Variants in ANO6 observed in about 807,000 individuals in gnomAD.
ANO6 encodes the protein anoctamin 6.
Under a neutral mutation model 117.5 loss-of-function variants are expected in ANO6, and 106 were observed. That is an observed-to-expected ratio of 0.90 (90% CI 0.77 to 1.06). ANO6 has a LOEUF of 1.06. Ranked by LOEUF, ANO6 falls within the 50% of genes least tolerant of loss-of-function variation. ANO6 has a pLI of 0.00. For synonymous variants in ANO6, 367 were observed against 385.1 expected (o/e 0.95, Z 0.55); for missense variants, 955 against 1,121.1 (o/e 0.85, Z 2.12).
chr12:45,359,071 A>T (rs11182998), intron 8 of ANO6, among the ~76,000 whole-genome samples: 8,500 of 152,300 alleles, frequency 0.056, 480 homozygotes, highest in East Asian at 0.32. Flanking sequence ...GGCGTGAGCC[A>T]CTGTGCCCGG....
chr12:45,427,901 T>A (rs1337429982), intron 19 of ANO6, among the ~76,000 whole-genome samples: 1 of 135,618 alleles, frequency 7.4e-6, no homozygotes, highest in African/African-American at 2.8e-5. Context: ...ATCGCACCAC[T>A]GCATTCAAGC....
At chr12:45,369,639 A>T (rs74080848) in intron 9 of ANO6, among the ~76,000 whole-genome samples, 2,743 of 152,272 alleles carry the variant, frequency 0.018, 79 homozygotes, top group African/African-American at 0.062. Context: ...AAAAAGTTTG[A>T]AAAAGAAAAA....
intron 1 of ANO6, among the ~76,000 whole-genome samples, chr12:45,220,287 T>C (rs771358048): frequency 6.6e-6 from 1 of 151,218 alleles, no homozygotes; most frequent in Non-Finnish European, 1.5e-5. Flanking sequence ...GTTTACTGTC[T>C]GATCCCCATC....
At chr12:45,320,275 T>C (rs986530393) in intron 2 of ANO6, among the ~76,000 whole-genome samples, 4 of 152,234 alleles carry the variant, frequency 2.6e-5, no homozygotes, top group African/African-American at 9.6e-5. Context: ...AATTTCCCTC[T>C]ATGCACTGCT....
At chr12:45,360,533 T>G (rs144959100) in intron 8 of ANO6, among the ~76,000 whole-genome samples, 2 of 152,358 alleles carry the variant, frequency 1.3e-5, no homozygotes, top group Non-Finnish European at 2.9e-5. Flanking sequence ...GCAGATACAT[T>G]GAAAATATTT....
chr12:45,282,654 CAGT>C (rs1459024477), intron 1 of ANO6, among the ~76,000 whole-genome samples: 1 of 152,130 alleles, frequency 6.6e-6, no homozygotes, highest in Non-Finnish European at 1.5e-5. Context: ...TTGACCTTAT[CAGT>C]AGTAGTAAGG....
intron 1 of ANO6, among the ~76,000 whole-genome samples, chr12:45,242,397 C>T (rs896253618): frequency 4.6e-5 from 7 of 152,244 alleles, no homozygotes; most frequent in Non-Finnish European, 7.3e-5. Flanking sequence ...GGGAGAGAAT[C>T]GCCTGGTCTG....
At chr12:45,255,818 G>GATTTTTTTT (rs749001458) in intron 1 of ANO6, among the ~76,000 whole-genome samples, 1 of 81,712 alleles carries the variant, frequency 1.2e-5, no homozygotes, top group African/African-American at 4.5e-5. Context: ...CTCCCTGGGT[G>GATTTTTTTT]TTTTTTTTTT....
Position 45,403,240 on chromosome 12 carries a change from A to G in ANO6, c.1781A>G (p.Glu594Gly), listed in dbSNP as rs747299266. Residue 594 changes from glutamate to glycine, a missense_variant and splice_region_variant, in exon 14 of 20, where the codon GAG becomes GGG. Physicochemically the swap from Glu to Gly is moderately conservative, Grantham distance 98. Coordinates refer to ENST00000320560, the MANE Select transcript of ANO6 (RefSeq NM_001025356.3). The stretch of plus-strand genomic sequence containing the variant: ...TGGTTGGGAAAATACAGAAATGAAG[A>G]GGTATGAATATATAATTGTATTATC... ...VYWLGKYRNE[E>G]CDPGGCLLEL... is the part of the protein sequence containing the mutation. 1 of 1,613,550 alleles carries G rather than the reference A, an allele frequency of 6.2e-7. No homozygotes were observed. Among genetic ancestry groups the G allele is most frequent in the South Asian group, 1.1e-5 (1 of 90,996 alleles).
chr12:45,313,392 C>T (rs1272517825), intron 2 of ANO6: 1 of 152,020 alleles, frequency 6.6e-6, no homozygotes, highest in Admixed American at 6.6e-5. Context: ...GAGTGTTGTT[C>T]AGTGACTGCA....
chr12:45,350,433 G>A (rs566564673), intron 6 of ANO6, among the ~76,000 whole-genome samples: 10 of 152,264 alleles, frequency 6.6e-5, no homozygotes, highest in African/African-American at 2.4e-4. Flanking sequence ...CCCCAGGATT[G>A]TAACACCCAA....
chr12:45,280,380 A>C lies in ANO6; in HGVS notation c.71-21634A>C, dbSNP rs148047171. Among the ~76,000 whole-genome samples the C allele has an allele frequency of 1.2e-3, 189 of 152,242 alleles. 1 individual carries two copies. The highest frequency in any genetic ancestry group is 4.4e-3 in the African/African-American group (183 of 41,530). On this transcript the variant is annotated intron_variant, in intron 1 of 19. Transcript: ENST00000320560. ...AGAAAATGTGGTTGTGAGATCAGTGACCCTGTGGCCTACAGACCAAAGGGC... is the reference window on the plus strand; with the variant it reads ...AGAAAATGTGGTTGTGAGATCAGTGCCCCTGTGGCCTACAGACCAAAGGGC...
chr12:45,308,575 T>C (rs546821776), intron 2 of ANO6, among the ~76,000 whole-genome samples: 2 of 152,008 alleles, frequency 1.3e-5, no homozygotes, highest in African/African-American at 4.8e-5. Context: ...TCAATGGTAG[T>C]GGTCATGGTC....
rs186253481 is a variant in ANO6, at chr12:45,283,505, G to A, written c.71-18509G>A. Among the ~76,000 whole-genome samples the A allele has an allele frequency of 2.9e-3, 445 of 152,288 alleles. 1 individual carries two copies. The highest frequency in any genetic ancestry group is 0.01 in the Middle Eastern group (3 of 294). ...TTTCCAGAGCTTGCCCAGTGCTTAC[G>A]TTTAGCAAGAGTGCCACAAACATTT... is the stretch of plus-strand genomic sequence containing the variant. On this transcript the variant is annotated intron_variant, in intron 1 of 19. Coordinates refer to ENST00000320560, the MANE Select transcript of ANO6 (RefSeq NM_001025356.3).
chr12:45,377,136 T>G lies in ANO6; in HGVS notation c.1105-917T>G, dbSNP rs546273150. 2.3e-4 allele frequency among the ~76,000 whole-genome samples: 35 copies of G among 151,208 alleles called. No homozygotes were observed. The South Asian group carries it at 7.4e-3, about 32-fold the overall frequency. On this transcript the variant is annotated intron_variant, in intron 9 of 19. Coordinates refer to ENST00000320560, the MANE Select transcript of ANO6 (RefSeq NM_001025356.3). ...CAGCTTTGAATTTTCTTTCAGCATT[T>G]GAAAAGGTTTTTTTTTTTTTTACCT...
chr12:45,292,419 T>C (rs1939131916), intron 1 of ANO6, among the ~76,000 whole-genome samples: 1 of 152,212 alleles, frequency 6.6e-6, no homozygotes, highest in Non-Finnish European at 1.5e-5. Flanking sequence ...TGAATGTAAT[T>C]ATTGCCACTG....
At chr12:45,314,641 T>C (rs1224006796) in intron 2 of ANO6, among the ~76,000 whole-genome samples, 1 of 151,860 alleles carries the variant, frequency 6.6e-6, no homozygotes, top group East Asian at 1.9e-4. Context: ...GAAGACTACA[T>C]TTTGGGAGGT....
At chr12:45,281,995 G>A (rs1412287769) in intron 1 of ANO6, among the ~76,000 whole-genome samples, 2 of 152,138 alleles carry the variant, frequency 1.3e-5, no homozygotes, top group Non-Finnish European at 2.9e-5. Context: ...AAGAGAGGAA[G>A]ACAGTCAAGA....
chr12:45,241,140 A>T (rs1003550149), intron 1 of ANO6, among the ~76,000 whole-genome samples: 4 of 152,188 alleles, frequency 2.6e-5, no homozygotes, highest in Non-Finnish European at 5.9e-5. Context: ...TATCCTGCAG[A>T]GTGTTTTCCA....
Sources: allele counts gnomAD v4.1 joint callset (sites outside exome capture counted in the v4.1 genomes callset), GRCh38; gene constraint gnomAD v4.1.1; transcripts MANE v1.5; gene names NCBI Gene and HGNC (gene_info 2026-07-23, HGNC 2026-07-21).